HK1: variants seen among roughly 807,000 people sequenced by gnomAD.
HK1 encodes the protein hexokinase 1.
A neutral mutation model predicts 91.6 loss-of-function variants in HK1; 28 were observed. That is an observed-to-expected ratio of 0.31 (90% CI 0.23 to 0.42). HK1 has a LOEUF of 0.42. Among genes scored for constraint, HK1 ranks in the 10% least tolerant of loss-of-function variants. HK1 has a pLI of 1.00. For synonymous variants in HK1, 430 were observed against 468.1 expected (o/e 0.92, Z 1.05); for missense variants, 770 against 1,219.8 (o/e 0.63, Z 5.49).
chr10:69,295,262 G>A (rs780015956), intron 3 of HK1, among the ~76,000 whole-genome samples: 7 of 152,254 alleles, frequency 4.6e-5, no homozygotes, highest in Admixed American at 1.3e-4. Context: ...GGCCTCTGCC[G>A]CAGCTCCGGT....
chr10:69,382,846 C>T (rs747821133), intron 10 of HK1, 55 bp downstream of exon 10: 56 of 1,571,620 alleles, frequency 3.6e-5, no homozygotes, highest in Non-Finnish European at 4.7e-5. Context: ...GGAACTGAGC[C>T]GCAGTGGGGG....
intron 2 of HK1, among the ~76,000 whole-genome samples, chr10:69,283,403 C>A (rs759302322): frequency 4.6e-5 from 7 of 151,194 alleles, no homozygotes; most frequent in Non-Finnish European, 8.8e-5. Flanking sequence ...GTAGTGAGCC[C>A]ATGATCGCAC....
intron 1 of HK1, among the ~76,000 whole-genome samples, chr10:69,320,731 A>G (rs1051892047): frequency 2.0e-5 from 3 of 151,996 alleles, no homozygotes; most frequent in African/African-American, 7.2e-5. Context: ...CAGTGTCCAC[A>G]CCCACCACCA....
intron 5 of HK1, among the ~76,000 whole-genome samples, chr10:69,302,631 T>C (rs534153591): frequency 2.6e-5 from 4 of 151,940 alleles, no homozygotes; most frequent in African/African-American, 9.6e-5. Flanking sequence ...GGGGTGCATC[T>C]GTGGTCCCAG....
chr10:69,350,236 G>C (rs1199498133), intron 2 of HK1, among the ~76,000 whole-genome samples: 1 of 152,212 alleles, frequency 6.6e-6, no homozygotes, highest in Non-Finnish European at 1.5e-5. Flanking sequence ...CCTGGATTAC[G>C]CATTGGTACC....
chr10:69,357,560 C>T (rs1437780658), intron 2 of HK1, among the ~76,000 whole-genome samples: 4 of 152,138 alleles, frequency 2.6e-5, no homozygotes, highest in African/African-American at 9.7e-5. Flanking sequence ...AAGAGATTCT[C>T]CTACCTCAGT....
intron 1 of HK1, among the ~76,000 whole-genome samples, chr10:69,335,739 A>G (rs1847946127): frequency 6.6e-6 from 1 of 152,216 alleles, no homozygotes; most frequent in African/African-American, 2.4e-5. Context: ...TTATAGGTCA[A>G]AGTCATAGGA....
chr10:69,336,339 G>T (rs1215607532), intron 1 of HK1, among the ~76,000 whole-genome samples: 1 of 149,858 alleles, frequency 6.7e-6, no homozygotes, highest in South Asian at 2.1e-4. Context: ...TTACAGGCAT[G>T]TGCCACCAGG....
At chr10:69,394,004 T>C (rs1840029241) in intron 15 of HK1, among the ~76,000 whole-genome samples, 1 of 152,226 alleles carries the variant, frequency 6.6e-6, no homozygotes, top group Non-Finnish European at 1.5e-5. Context: ...GTGGTCTTTG[T>C]GGTGGAATGA....
intron 15 of HK1, 61 bp from the exon 16 acceptor site, chr10:69,394,889 A>C: frequency 6.4e-7 from 1 of 1,557,260 alleles, no homozygotes; most frequent in Non-Finnish European, 8.9e-7. Flanking sequence ...CGTGAGACCG[A>C]GGGGTGACAG....
chr10:69,300,907 A>C, intron 5 of HK1: 1 of 983,920 alleles, frequency 1.0e-6, no homozygotes, highest in Non-Finnish European at 1.6e-6. Flanking sequence ...ATTAGAACTA[A>C]TAAACAATTT....
At chr10:69,378,278 G>C (rs1208369383) in intron 8 of HK1, among the ~76,000 whole-genome samples, 1 of 149,312 alleles carries the variant, frequency 6.7e-6, no homozygotes, top group Admixed American at 6.7e-5. Context: ...GCTAGCTCAA[G>C]AAAGCATGTA....
chr10:69,276,436 A>C (rs1446966096), intron 1 of HK1, among the ~76,000 whole-genome samples: 1 of 151,732 alleles, frequency 6.6e-6, no homozygotes, highest in Non-Finnish European at 1.5e-5. Context: ...AGGCGGGTGG[A>C]TCACCTGAGG....
chr10:69,389,192 C>G lies in HK1; in HGVS notation c.1936-5C>G. 1 of 1,612,106 alleles carries G rather than the reference C, an allele frequency of 6.2e-7. No homozygotes were observed. On this transcript the variant is annotated splice_polypyrimidine_tract_variant and splice_region_variant and intron_variant, in intron 13 of 17. Coordinates refer to ENST00000359426, the MANE Select transcript of HK1 (RefSeq NM_000188.3). ...TCCTAAAGCTGTGTCCCTTTCTTTG[C>G]AAAGGAATTTGACCTGGACGTGGTG...
chr10:69,340,283 A>G (rs114591477), intron 1 of HK1, among the ~76,000 whole-genome samples: 1,622 of 152,304 alleles, frequency 0.011, 27 homozygotes, highest in African/African-American at 0.037. Flanking sequence ...GTCTTGCTGC[A>G]TTGCCCAGGC....
At chr10:69,305,051 G>A (rs886265699) in intron 5 of HK1, among the ~76,000 whole-genome samples, 4 of 152,240 alleles carry the variant, frequency 2.6e-5, no homozygotes, top group Admixed American at 1.3e-4. Flanking sequence ...CTGCATCTTT[G>A]TATGGTCATC....
chr10:69,334,041 G>C (rs932519693), intron 1 of HK1, among the ~76,000 whole-genome samples: 1 of 152,134 alleles, frequency 6.6e-6, no homozygotes, highest in African/African-American at 2.4e-5. Flanking sequence ...AACCCGGGAG[G>C]TGGAGTTTGC....
chr10:69,281,741 G>T (rs1169867931), intron 1 of HK1, among the ~76,000 whole-genome samples: 9 of 152,280 alleles, frequency 5.9e-5, no homozygotes, highest in Non-Finnish European at 1.2e-4. Flanking sequence ...ATGGTGGTGA[G>T]TCACCCTTAG....
chr10:69,364,450 A>T (rs1849592994), intron 3 of HK1, among the ~76,000 whole-genome samples: 1 of 152,080 alleles, frequency 6.6e-6, no homozygotes, highest in African/African-American at 2.4e-5. Context: ...CCTGTGTGTT[A>T]TGAAGGCATA....
Sources: gnomAD v4.1 joint callset for allele counts (sites outside exome capture counted in the v4.1 genomes callset) on GRCh38, gnomAD v4.1.1 for gene constraint, MANE v1.5 for transcripts, NCBI Gene and HGNC (gene_info 2026-07-23, HGNC 2026-07-21) for gene names.